RFX3: variants seen among roughly 807,000 people sequenced by gnomAD.
RFX3 encodes the protein regulatory factor X3.
A neutral mutation model predicts 98.6 loss-of-function variants in RFX3; 14 were observed. The observed-to-expected ratio is 0.14, with a 90% CI of 0.09 to 0.22. The LOEUF (loss-of-function observed/expected upper bound fraction) is 0.22. Ranked by LOEUF, RFX3 falls within the 10% of genes least tolerant of loss-of-function variation. The pLI is 1.00. For missense variants in RFX3, 639 were observed against 926.9 expected, an observed-to-expected ratio of 0.69 and a Z score of 4.03; for synonymous variants, 383 against 328.4, an observed-to-expected ratio of 1.17 and a Z score of -1.80.
chr9:3,491,926 T>A (rs964558876), intron 1 of RFX3, among the ~76,000 whole-genome samples: 3 of 152,224 alleles, frequency 2.0e-5, no homozygotes, highest in African/African-American at 7.2e-5. Context: ...AGTTTACAGA[T>A]GACCATGCTA....
At chr9:3,293,403 G>A in intron 5 of RFX3, 145 bp from the exon 6 acceptor site, 2 of 560,418 alleles carry the variant, frequency 3.6e-6, no homozygotes, top group Non-Finnish European at 6.0e-6. Context: ...TTCAGAAGGT[G>A]GTAATCTGCC....
rs1319813242 is a variant in RFX3, at chr9:3,223,493, T to C, written c.*1549A>G. On this transcript the variant is annotated 3_prime_UTR_variant, in exon 17 of 17. Coordinates refer to ENST00000617270, the MANE Select transcript of RFX3 (RefSeq NM_001282116.2). ...TTCTAAAATTGTAACTAAATAAGAA[T>C]GGTCTAAAACATATATGATTTTATG... 6.6e-6 allele frequency: 1 copy of C among 152,228 alleles called. No homozygotes were observed. Among genetic ancestry groups the C allele is most frequent in the Non-Finnish European group, 1.5e-5 (1 of 68,046 alleles). 9.4% of individuals were successfully genotyped at this position (152,228 alleles called of 1,614,324 possible).
In RFX3 at chr9:3,522,025, A is replaced by T. The variant is rs565298659; in HGVS notation, c.-9+3722T>A. Among the ~76,000 whole-genome samples the T allele has an allele frequency of 9.7e-4, 147 of 152,238 alleles. 2 individuals are homozygous for T. In the South Asian group the frequency reaches 0.028, roughly 29 times the overall value. ...TTATGTTAAATTACGAATCTTGAGT[A>T]GTTCAAAACTTTTACTTTAAAAAAA... On this transcript the variant is annotated intron_variant, in intron 1 of 16. Coordinates refer to ENST00000617270, the MANE Select transcript of RFX3 (RefSeq NM_001282116.2).
At chr9:3,511,594 A>C (rs1027880953) in intron 1 of RFX3, among the ~76,000 whole-genome samples, 1 of 152,076 alleles carries the variant, frequency 6.6e-6, no homozygotes, top group Non-Finnish European at 1.5e-5. Context: ...AATATTCCAG[A>C]AGAAGCAGAA....
At chr9:3,268,153 T>C (rs1823899214) in intron 11 of RFX3, among the ~76,000 whole-genome samples, 1 of 151,906 alleles carries the variant, frequency 6.6e-6, no homozygotes, top group East Asian at 1.9e-4. Context: ...TAACGTTTTT[T>C]TCATTTTCAG....
At chr9:3,279,452 T>C (rs988373579) in intron 7 of RFX3, among the ~76,000 whole-genome samples, 2 of 151,866 alleles carry the variant, frequency 1.3e-5, no homozygotes, top group Non-Finnish European at 2.9e-5. Flanking sequence ...ATAATTCCAA[T>C]AGACTTCAAT....
At position 3,228,804 on chromosome 9, in the gene RFX3, A is replaced by C. The variant is rs745660129; in HGVS notation, c.2011+43T>G. On this transcript the variant is annotated intron_variant, in intron 16 of 16. Transcript: ENST00000617270. ...TATTTTCCTCTGTAAGAACTTATTAATAAATAAAAGTTCTTAAAATGTACA... is the reference window on the plus strand; with the variant it reads ...TATTTTCCTCTGTAAGAACTTATTACTAAATAAAAGTTCTTAAAATGTACA... 59 of 1,515,500 alleles carry C rather than the reference A, an allele frequency of 3.9e-5. No homozygotes were observed. In the Admixed American group the frequency reaches 4.5e-4, roughly 12 times the overall value. The allele number at this position is 1,515,500 out of a possible 1,614,324, so 93.9% of individuals were successfully genotyped here.
intron 1 of RFX3, among the ~76,000 whole-genome samples, chr9:3,442,220 A>G (rs982888838): frequency 1.3e-5 from 2 of 151,956 alleles, no homozygotes; most frequent in Non-Finnish European, 2.9e-5. Context: ...TAAATAAATA[A>G]ATGACTTTAC....
intron 1 of RFX3, among the ~76,000 whole-genome samples, chr9:3,511,387 A>G (rs1190163954): frequency 1.3e-5 from 2 of 152,012 alleles, no homozygotes; most frequent in African/African-American, 4.8e-5. Flanking sequence ...GAATTGTAAA[A>G]TAAACTTCTT....
At chr9:3,392,096 G>T (rs1025627637) in intron 2 of RFX3, among the ~76,000 whole-genome samples, 4 of 152,100 alleles carry the variant, frequency 2.6e-5, no homozygotes, top group Non-Finnish European at 5.9e-5. Flanking sequence ...ACATCAGAGG[G>T]TTCTTAATTA....
At chr9:3,493,425 C>T (rs1452007908) in intron 1 of RFX3, among the ~76,000 whole-genome samples, 2 of 151,996 alleles carry the variant, frequency 1.3e-5, no homozygotes, top group Non-Finnish European at 2.9e-5. Flanking sequence ...TGGCTCACAC[C>T]TGTAATCCCA....
intron 1 of RFX3, among the ~76,000 whole-genome samples, chr9:3,467,040 A>ATATATGTATATACATACATATATATAAG (rs1587768602): frequency 1.9e-4 from 24 of 125,000 alleles, no homozygotes; most frequent in African/African-American, 6.8e-4. Flanking sequence ...ATATATATAT[A>ATATATGTATATACATACATATATATAAG]TATATATGTA....
intron 3 of RFX3, among the ~76,000 whole-genome samples, chr9:3,341,170 T>G (rs558585464): frequency 1.1e-4 from 16 of 151,576 alleles, no homozygotes; most frequent in African/African-American, 3.6e-4. Context: ...AACCAAACAC[T>G]GCATGTTCTC....
chr9:3,263,154 C>G (rs1823144742), intron 12 of RFX3, 70 bp from the exon 13 acceptor site: 15 of 1,512,962 alleles, frequency 9.9e-6, no homozygotes, highest in Non-Finnish European at 1.4e-5. Context: ...ATTTTCAAAT[C>G]TTCTTTCCCT....
intron 3 of RFX3, among the ~76,000 whole-genome samples, chr9:3,332,601 A>G (rs1428758349): frequency 2.0e-5 from 3 of 152,188 alleles, no homozygotes; most frequent in African/African-American, 7.2e-5. Flanking sequence ...ACGCAGATAT[A>G]AAAATAAAAC....
chr9:3,409,070 C>T (rs753593290), intron 1 of RFX3, among the ~76,000 whole-genome samples: 4 of 152,174 alleles, frequency 2.6e-5, no homozygotes, highest in Non-Finnish European at 5.9e-5. Context: ...TTTTAATTTA[C>T]GTGAAAGTAA....
chr9:3,242,577 C>G (rs1212711107), intron 15 of RFX3, among the ~76,000 whole-genome samples: 1 of 152,068 alleles, frequency 6.6e-6, no homozygotes, highest in African/African-American at 2.4e-5. Flanking sequence ...CTTTAAGCAC[C>G]AATATTTGTT....
chr9:3,491,616 C>T (rs562934646), intron 1 of RFX3, among the ~76,000 whole-genome samples: 1 of 152,278 alleles, frequency 6.6e-6, no homozygotes, highest in Non-Finnish European at 1.5e-5. Flanking sequence ...CTGTGTTCTT[C>T]TTTCCAAATA....
intron 1 of RFX3, among the ~76,000 whole-genome samples, chr9:3,504,795 TTATATTATATATAAAATA>T (rs1474413471): frequency 7.9e-5 from 8 of 101,522 alleles, no homozygotes; most frequent in Admixed American, 1.5e-4. Flanking sequence ...AAAATATATA[TTATATTATATATAAAATA>T]TATATTATAT....
Sources: gnomAD v4.1 joint callset for allele counts (sites outside exome capture counted in the v4.1 genomes callset) on GRCh38, gnomAD v4.1.1 for gene constraint, MANE v1.5 for transcripts, NCBI Gene and HGNC (gene_info 2026-07-23, HGNC 2026-07-21) for gene names.